ATP8B4: variants seen among roughly 807,000 people sequenced by gnomAD.
The protein encoded by ATP8B4 is probable phospholipid-transporting ATPase IM.
A neutral mutation model predicts 145.6 loss-of-function variants in ATP8B4; 133 were observed. The ratio of observed to expected loss-of-function variants is 0.91; its 90% CI spans 0.79 to 1.05. The LOEUF is 1.05. Among genes scored for constraint, ATP8B4 ranks in the 50% least tolerant of loss-of-function variants. ATP8B4 has a pLI of 0.00. For synonymous variants in ATP8B4, 507 were observed against 492.9 expected, an observed-to-expected ratio of 1.03 and a Z score of -0.38; for missense variants, 1,458 against 1,425.2, an observed-to-expected ratio of 1.02 and a Z score of -0.37.
chr15:50,101,907 T>C lies in ATP8B4; in HGVS notation c.28+5032A>G, dbSNP rs191876337. Among the ~76,000 whole-genome samples, 386 of 151,068 alleles carry C rather than the reference T, an allele frequency of 2.6e-3. 1 individual carries two copies. Among genetic ancestry groups the C allele is most frequent in the African/African-American group, 9.0e-3 (368 of 40,896 alleles). ...TAGCAAGTACTCTCTTAAACCACAG[T>C]GGAATAAAATTGGAAATCAACTCCA... is the stretch of plus-strand genomic sequence containing the variant. On this transcript the variant is annotated intron_variant, in intron 2 of 27. Transcript: ENST00000284509.
intron 1 of ATP8B4, among the ~76,000 whole-genome samples, chr15:50,142,231 G>A (rs2044222309): frequency 6.6e-6 from 1 of 152,128 alleles, no homozygotes; most frequent in African/African-American, 2.4e-5. Flanking sequence ...TTTTATCCCT[G>A]ATGGCAAGGA....
intron 1 of ATP8B4, among the ~76,000 whole-genome samples, chr15:50,116,957 G>A (rs76799333): frequency 0.021 from 3,251 of 151,694 alleles, 92 homozygotes; most frequent in East Asian, 0.12. Context: ...ATCTTTTCAT[G>A]AGAGATTCTA....
intron 23 of ATP8B4, among the ~76,000 whole-genome samples, chr15:49,884,613 G>GAAAAAAAAAA (rs60012082): frequency 3.4e-5 from 4 of 117,658 alleles, no homozygotes; most frequent in Non-Finnish European, 6.8e-5. Flanking sequence ...CAAAAAAAAA[G>GAAAAAAAAAA]AAAAAAAAAA....
At chr15:49,882,472 AC>A (rs2035574743) in intron 23 of ATP8B4, among the ~76,000 whole-genome samples, 1 of 152,230 alleles carries the variant, frequency 6.6e-6, no homozygotes, top group South Asian at 2.1e-4. Context: ...TAGTCCCCAA[AC>A]AAAAACAACC....
At chr15:49,965,248 T>C (rs1412870599) in intron 13 of ATP8B4, among the ~76,000 whole-genome samples, 6 of 152,190 alleles carry the variant, frequency 3.9e-5, no homozygotes, top group African/African-American at 1.4e-4. Flanking sequence ...GGTCAAAAAG[T>C]AGGAGATTGC....
chr15:50,141,201 C>T (rs2044204117), intron 1 of ATP8B4, among the ~76,000 whole-genome samples: 1 of 152,130 alleles, frequency 6.6e-6, no homozygotes, highest in South Asian at 2.1e-4. Context: ...ACCTCCTTTT[C>T]CTCTTCCTGT....
At position 50,094,739 on chromosome 15, in the gene ATP8B4, T is replaced by C. The variant is rs140297338; in HGVS notation, c.28+12200A>G. ...ATATATATATATATACACACACACA[T>C]ATACATTCCGTTTTACTAGAGAATC... On this transcript the variant is annotated intron_variant, in intron 2 of 27. Transcript: ENST00000284509. Among the ~76,000 whole-genome samples the C allele has an allele frequency of 8.7e-3, 1,285 of 148,382 alleles. 55 individuals carry two copies. In the East Asian group the frequency reaches 0.12, roughly 14 times the overall value.
intron 1 of ATP8B4, among the ~76,000 whole-genome samples, chr15:50,117,132 C>A (rs563819439): frequency 6.6e-6 from 1 of 152,258 alleles, no homozygotes; most frequent in African/African-American, 2.4e-5. Context: ...CTCACTGCAA[C>A]CTCCACCACA....
At chr15:50,038,538 C>T (rs1159677011) in intron 6 of ATP8B4, among the ~76,000 whole-genome samples, 1 of 152,036 alleles carries the variant, frequency 6.6e-6, no homozygotes, top group Non-Finnish European at 1.5e-5. Flanking sequence ...TGTCTGTGTT[C>T]CATAAAAGGT....
chr15:49,888,316 C>T (rs1027775048), intron 23 of ATP8B4, among the ~76,000 whole-genome samples: 8 of 152,128 alleles, frequency 5.3e-5, no homozygotes, highest in African/African-American at 1.9e-4. Context: ...AGATTAGTCG[C>T]AGTCTTTCAC....
intron 2 of ATP8B4, among the ~76,000 whole-genome samples, chr15:50,082,625 T>C (rs1291536546): frequency 6.6e-6 from 1 of 152,220 alleles, no homozygotes; most frequent in Non-Finnish European, 1.5e-5. Context: ...CTAGGATACA[T>C]GAACTGGATT....
At chr15:49,861,195 T>C (rs1371320683) in intron 27 of ATP8B4, among the ~76,000 whole-genome samples, 1 of 152,088 alleles carries the variant, frequency 6.6e-6, no homozygotes, top group Non-Finnish European at 1.5e-5. Context: ...GAGAAAACCA[T>C]CAAGCAGAAC....
chr15:49,979,943 A>C, intron 11 of ATP8B4, 130 bp from the exon 12 acceptor site: 1 of 560,724 alleles, frequency 1.8e-6, no homozygotes, highest in Non-Finnish European at 3.0e-6. Context: ...TCTTCTTACC[A>C]TTAATCATAT....
intron 14 of ATP8B4, among the ~76,000 whole-genome samples, chr15:49,958,648 T>C (rs2043798210): frequency 6.6e-6 from 1 of 151,832 alleles, no homozygotes; most frequent in Admixed American, 6.6e-5. Context: ...GACTTATGAG[T>C]CTTTGTAAAT....
intron 14 of ATP8B4, among the ~76,000 whole-genome samples, chr15:49,953,595 A>C (rs1323673614): frequency 6.6e-6 from 1 of 152,086 alleles, no homozygotes. Flanking sequence ...GAGCTACAGA[A>C]ATTGGTGCTG....
chr15:50,003,864 A>T (rs1315436861), intron 7 of ATP8B4, among the ~76,000 whole-genome samples: 1 of 152,118 alleles, frequency 6.6e-6, no homozygotes, highest in African/African-American at 2.4e-5. Context: ...CAAGGGGTGG[A>T]GTCCCTGCAC....
intron 3 of ATP8B4, among the ~76,000 whole-genome samples, chr15:50,065,273 T>C (rs577230579): frequency 6.6e-6 from 1 of 152,300 alleles, no homozygotes; most frequent in African/African-American, 2.4e-5. Flanking sequence ...GTGTAAAATG[T>C]GACAGTAATC....
chr15:49,908,655 G>C (rs1038065250), intron 20 of ATP8B4, among the ~76,000 whole-genome samples: 1 of 152,080 alleles, frequency 6.6e-6, no homozygotes, highest in African/African-American at 2.4e-5. Flanking sequence ...TGACAGCAAA[G>C]TGTCATTTTG....
At position 50,087,055 on chromosome 15, in the gene ATP8B4, TTATA is replaced by T. The variant is rs1370473375; in HGVS notation, c.29-12874_29-12871del. ...AAAATAATATAGAGATCTATATTTA[TTATA>T]TATAATAAAATAATATAGAGATCTA... On this transcript the variant is annotated intron_variant, in intron 2 of 27. Coordinates refer to ENST00000284509, the MANE Select transcript of ATP8B4 (RefSeq NM_024837.4). Among the ~76,000 whole-genome samples the T allele has an allele frequency of 1.7e-3, 200 of 120,728 alleles. 1 individual carries two copies. Among genetic ancestry groups the T allele is most frequent in the Admixed American group, 3.3e-3 (36 of 10,812 alleles). 79.2% of individuals were successfully genotyped at this position (120,728 alleles called of 152,430 possible).
Sources: allele counts gnomAD v4.1 joint callset (sites outside exome capture counted in the v4.1 genomes callset), GRCh38; gene constraint gnomAD v4.1.1; transcripts MANE v1.5; gene names NCBI Gene and HGNC (gene_info 2026-07-23, HGNC 2026-07-21).